Variants in ACOT11 observed in about 807,000 individuals in gnomAD.
ACOT11 encodes the protein acyl-CoA thioesterase 11, also known as acyl-coenzyme A thioesterase 11.
Under a neutral mutation model 77.5 loss-of-function variants are expected in ACOT11, and 69 were observed. That is an observed-to-expected ratio of 0.89 (90% CI 0.73 to 1.09). The LOEUF (loss-of-function observed/expected upper bound fraction) is 1.09, where lower values mean the gene tolerates loss of function less well. ACOT11 is among the 50% of genes least tolerant of loss of function. ACOT11 has a pLI of 0.00. For missense variants in ACOT11, 766 were observed against 813.7 expected, an observed-to-expected ratio of 0.94 and a Z score of 0.71; for synonymous variants, 279 against 313.0, an observed-to-expected ratio of 0.89 and a Z score of 1.15.
chr1:54,635,588 C>A, exon 17 of ACOT11: 1 of 214,472 alleles, frequency 4.7e-6, no homozygotes. Context: ...GACCTTAATG[C>A]CAGGAACCAG....
intron 15 of ACOT11, among the ~76,000 whole-genome samples, chr1:54,618,421 C>G (rs977498434): frequency 6.6e-6 from 1 of 152,180 alleles, no homozygotes; most frequent in Non-Finnish European, 1.5e-5. Context: ...GGAAGAATCA[C>G]TTGAACCTGG....
chr1:54,567,850 C>T (rs1653788987), intron 1 of ACOT11, among the ~76,000 whole-genome samples: 1 of 152,180 alleles, frequency 6.6e-6, no homozygotes, highest in East Asian at 1.9e-4. Flanking sequence ...GAGCAGTCTG[C>T]CTGCTGCTTC....
chr1:54,553,322 C>A (rs1008078024), intron 1 of ACOT11, among the ~76,000 whole-genome samples: 1 of 151,486 alleles, frequency 6.6e-6, no homozygotes, highest in Non-Finnish European at 1.5e-5. Context: ...TTGAGACCAG[C>A]CTGACCAACA....
At chr1:54,567,777 A>G (rs967648503) in intron 1 of ACOT11, among the ~76,000 whole-genome samples, 9 of 152,252 alleles carry the variant, frequency 5.9e-5, no homozygotes, top group Non-Finnish European at 1.2e-4. Context: ...TCTACCTCCC[A>G]AATACATCCT....
chr1:54,572,082 G>A (rs1328234644), intron 1 of ACOT11, among the ~76,000 whole-genome samples: 1 of 151,930 alleles, frequency 6.6e-6, no homozygotes, highest in Non-Finnish European at 1.5e-5. Context: ...GAGGTCTGGA[G>A]CCTGTCCTCC....
chr1:54,629,088 C>G lies in ACOT11; in HGVS notation c.1630-1646C>G, dbSNP rs1476695628. Reference sequence around the variant, plus strand: ...AAAAAAAAAAAAAAAAGAAGAAGAACACAGCTTTAATCCAGGCCTCAAGGA... The same window carrying G: ...AAAAAAAAAAAAAAAAGAAGAAGAAGACAGCTTTAATCCAGGCCTCAAGGA... On this transcript the variant is annotated intron_variant, in intron 15 of 16. Transcript: ENST00000371316. Among the ~76,000 whole-genome samples, 2 of 119,510 alleles carry G rather than the reference C, an allele frequency of 1.7e-5. 1 individual carries two copies. The highest frequency in any genetic ancestry group is 5.2e-4 in the East Asian group (2 of 3,824). 78.4% of individuals were successfully genotyped at this position (119,510 alleles called of 152,430 possible).
chr1:54,556,588 T>G (rs1653265631), intron 1 of ACOT11, among the ~76,000 whole-genome samples: 1 of 131,884 alleles, frequency 7.6e-6, no homozygotes, highest in African/African-American at 2.7e-5. Flanking sequence ...CATTGTAGAG[T>G]TTTTTTTTTT....
intron 10 of ACOT11, among the ~76,000 whole-genome samples, chr1:54,603,587 T>C (rs1643990022): frequency 6.6e-6 from 1 of 152,044 alleles, no homozygotes; most frequent in Non-Finnish European, 1.5e-5. Flanking sequence ...AGCACCAGGG[T>C]GAGGTCACTC....
chr1:54,577,498 G>C (rs1236510049), intron 1 of ACOT11, among the ~76,000 whole-genome samples: 1 of 150,956 alleles, frequency 6.6e-6, no homozygotes, highest in Non-Finnish European at 1.5e-5. Flanking sequence ...CCATTCATTT[G>C]ATAAAGATAC....
chr1:54,599,403 C>G lies in ACOT11; in HGVS notation c.872C>G (p.Ala291Gly). 2.5e-6 allele frequency: 4 copies of G among 1,603,976 alleles called. No individual in the cohort carries two copies. The highest frequency in any genetic ancestry group is 3.4e-6 in the Non-Finnish European group (4 of 1,174,664). ...RLVLKAIVNN[A>G]FKHSMEVGVC... ...GTGCTCAAAGCCATCGTGAACAATG[C>G]CTTCAAACATAGGTGAGGGTCTGGG... The change falls in exon 8 of 16, where the codon GCC becomes GGC. Residue 291 changes from alanine (A) to glycine (G), a missense_variant. By Grantham distance (60) the Ala-to-Gly change is moderately conservative (BLOSUM62 0). Transcript: ENST00000343744.
chr1:54,563,088 C>T (rs1012733282), intron 1 of ACOT11, among the ~76,000 whole-genome samples: 3 of 151,896 alleles, frequency 2.0e-5, no homozygotes, highest in Non-Finnish European at 2.9e-5. Flanking sequence ...CTGCGGGGCC[C>T]GTCCGCTCCT....
At chr1:54,580,845 C>A (rs928683901) in intron 1 of ACOT11, among the ~76,000 whole-genome samples, 1 of 152,200 alleles carries the variant, frequency 6.6e-6, no homozygotes, top group Non-Finnish European at 1.5e-5. Context: ...TGAGGAAGAG[C>A]TCACCTAGCA....
chr1:54,617,848 T>A (rs1644189995), intron 15 of ACOT11, among the ~76,000 whole-genome samples: 1 of 150,332 alleles, frequency 6.7e-6, no homozygotes, highest in Non-Finnish European at 1.5e-5. Context: ...CTCAGCCTCC[T>A]GAGTAGCTGG....
intron 1 of ACOT11, among the ~76,000 whole-genome samples, chr1:54,569,019 G>A (rs887992944): frequency 2.0e-5 from 3 of 151,800 alleles, no homozygotes; most frequent in African/African-American, 4.8e-5. Flanking sequence ...GCTGAGGTGG[G>A]AGGATTACTT....
In ACOT11 at chr1:54,605,194, G is replaced by A; in HGVS notation, c.1355G>A (p.Trp452Ter). The A allele has an allele frequency of 1.2e-6, 2 of 1,613,412 alleles. No homozygotes were observed. Among genetic ancestry groups the A allele is most frequent in the South Asian group, 1.1e-5 (1 of 91,078 alleles). The change falls in exon 13 of 16, where the codon TGG becomes TAG. Residue 452 changes from tryptophan to a stop codon, truncating the protein, a stop_gained. Transcript: ENST00000343744. LOFTEE classifies it high-confidence loss of function. ...LLSDLRQRPE[W>*]DKHYRSVELV... Reference sequence around the variant, plus strand: ...TCGGACCTGCGTCAGAGGCCAGAGTGGGACAAGCACTACCGGTGAGGGGCC... The same window carrying A: ...TCGGACCTGCGTCAGAGGCCAGAGTAGGACAAGCACTACCGGTGAGGGGCC...
chr1:54,566,378 A>T (rs1209855987), intron 1 of ACOT11, among the ~76,000 whole-genome samples: 2 of 150,374 alleles, frequency 1.3e-5, no homozygotes, highest in African/African-American at 2.4e-5. Context: ...AATCGCTAGA[A>T]CCCGGGAGAT....
intron 1 of ACOT11, among the ~76,000 whole-genome samples, chr1:54,549,263 C>T (rs918712405): frequency 1.3e-5 from 2 of 152,248 alleles, no homozygotes; most frequent in East Asian, 1.9e-4. Flanking sequence ...CCTGCTCACA[C>T]GGCTACCCGA....
At chr1:54,559,293 GAGCT>G (rs1653384230) in intron 1 of ACOT11, among the ~76,000 whole-genome samples, 1 of 151,248 alleles carries the variant, frequency 6.6e-6, no homozygotes, top group African/African-American at 2.4e-5. Context: ...GCCCCAGGCT[GAGCT>G]GACCCCACCC....
At chr1:54,559,572 T>C (rs1653394019) in intron 1 of ACOT11, among the ~76,000 whole-genome samples, 2 of 151,814 alleles carry the variant, frequency 1.3e-5, no homozygotes, top group South Asian at 2.1e-4. Context: ...CGGCACATAA[T>C]TGGCCATGGT....
Sources: allele counts gnomAD v4.1 joint callset (sites outside exome capture counted in the v4.1 genomes callset), GRCh38; gene constraint gnomAD v4.1.1; transcripts MANE v1.5; gene names NCBI Gene and HGNC (gene_info 2026-07-23, HGNC 2026-07-21).